Variants in ROBO1 observed in about 807,000 individuals in gnomAD.
ROBO1 encodes roundabout homolog 1.
ROBO1 carries 149 observed loss-of-function variants against 195.9 expected under a neutral mutation model. The observed-to-expected ratio is 0.76, with a 90% CI of 0.67 to 0.87. The LOEUF is 0.87. Ranked by LOEUF, ROBO1 falls within the 40% of genes least tolerant of loss-of-function variation. The pLI is 0.00. For synonymous variants in ROBO1, 816 were observed against 733.2 expected (o/e 1.11, Z -1.82); for missense variants, 1,933 against 2,068.3 (o/e 0.93, Z 1.27).
chr3:79,112,992 G>A (rs2108538286), intron 3 of ROBO1, among the ~76,000 whole-genome samples: 1 of 152,162 alleles, frequency 6.6e-6, no homozygotes, highest in East Asian at 1.9e-4. Context: ...AAATTGGAAA[G>A]TCATGTTTTA....
At chr3:79,323,131 G>T (rs1270325116) in intron 2 of ROBO1, among the ~76,000 whole-genome samples, 1 of 151,390 alleles carries the variant, frequency 6.6e-6, no homozygotes, top group Non-Finnish European at 1.5e-5. Context: ...ACCCAGGCTG[G>T]AGTGCAGTGG....
At chr3:79,104,549 C>T (rs2079740575) in intron 3 of ROBO1, among the ~76,000 whole-genome samples, 2 of 151,450 alleles carry the variant, frequency 1.3e-5, no homozygotes, top group South Asian at 2.1e-4. Flanking sequence ...ATTATTAGTT[C>T]TTATTGAGTT....
chr3:79,425,209 A>T (rs1197473345), intron 2 of ROBO1, among the ~76,000 whole-genome samples: 2 of 152,192 alleles, frequency 1.3e-5, no homozygotes, highest in Non-Finnish European at 2.9e-5. Flanking sequence ...GCACATTTAT[A>T]CAGAATTACA....
At chr3:78,624,414 C>T (rs565588881) in intron 26 of ROBO1, among the ~76,000 whole-genome samples, 4 of 152,156 alleles carry the variant, frequency 2.6e-5, no homozygotes, top group Admixed American at 2.0e-4. Flanking sequence ...CCAGCAATGA[C>T]CCTGGAAATA....
intron 1 of ROBO1, among the ~76,000 whole-genome samples, chr3:79,758,197 A>G (rs1176553745): frequency 2.0e-5 from 3 of 152,238 alleles, no homozygotes; most frequent in Non-Finnish European, 2.9e-5. Flanking sequence ...ACACTGTCCA[A>G]TAGAACTTTC....
intron 3 of ROBO1, among the ~76,000 whole-genome samples, chr3:78,968,420 CACATGGTGAAATTA>C (rs1256035902): frequency 6.6e-6 from 1 of 151,738 alleles, no homozygotes; most frequent in Non-Finnish European, 1.5e-5. Context: ...GTGCGCCACT[CACATGGTGAAATTA>C]GCAAGCCCAG....
At chr3:79,507,967 A>T (rs1940493787) in intron 2 of ROBO1, 1 of 153,416 alleles carries the variant, frequency 6.5e-6, no homozygotes, top group Non-Finnish European at 1.5e-5. Flanking sequence ...GGCTCACTCT[A>T]CTATTCTCAG....
intron 1 of ROBO1, among the ~76,000 whole-genome samples, chr3:79,691,772 T>C (rs1947305386): frequency 6.6e-6 from 1 of 151,944 alleles, no homozygotes; most frequent in African/African-American, 2.4e-5. Context: ...ATTCTTAACA[T>C]TGTCATTATT....
intron 3 of ROBO1, among the ~76,000 whole-genome samples, chr3:79,051,356 G>A (rs183998560): frequency 3.9e-5 from 6 of 152,240 alleles, no homozygotes; most frequent in Admixed American, 3.3e-4. Context: ...GAGTAAACCA[G>A]GAAGAAGTAG....
intron 4 of ROBO1, among the ~76,000 whole-genome samples, chr3:78,925,710 G>C (rs909364816): frequency 2.6e-5 from 4 of 152,128 alleles, no homozygotes; most frequent in African/African-American, 9.7e-5. Flanking sequence ...AAATACAGAA[G>C]AATGAAGATT....
chr3:78,945,548 A>G (rs937566428), intron 3 of ROBO1, among the ~76,000 whole-genome samples: 2 of 152,184 alleles, frequency 1.3e-5, no homozygotes. Flanking sequence ...CCAAAGGTAG[A>G]TAAAACCACA....
intron 1 of ROBO1, among the ~76,000 whole-genome samples, chr3:79,648,192 T>A (rs1034671882): frequency 1.3e-5 from 2 of 152,060 alleles, no homozygotes; most frequent in African/African-American, 4.8e-5. Flanking sequence ...ATGTCTGCTA[T>A]CTAAGCAAAA....
At chr3:79,529,775 T>C (rs1941575314) in intron 2 of ROBO1, among the ~76,000 whole-genome samples, 1 of 152,184 alleles carries the variant, frequency 6.6e-6, no homozygotes, top group Non-Finnish European at 1.5e-5. Context: ...GGGACTACTG[T>C]ATGGAACCAA....
intron 1 of ROBO1, among the ~76,000 whole-genome samples, chr3:79,666,050 T>A (rs9825870): frequency 0.62 from 94,433 of 151,766 alleles, 29,909 homozygotes; most frequent in African/African-American, 0.73. Context: ...CATTAAATTT[T>A]CAGTATATGA....
chr3:78,647,700 G>C (rs751633456), intron 19 of ROBO1, 45 bp from the exon 20 acceptor site: 2 of 1,507,902 alleles, frequency 1.3e-6, no homozygotes, highest in Non-Finnish European at 9.2e-7. Flanking sequence ...AAGCTGAAGA[G>C]AGAAAGGGAA....
At chr3:79,089,484 AAAC>A (rs1253974016) in intron 3 of ROBO1, among the ~76,000 whole-genome samples, 1 of 152,176 alleles carries the variant, frequency 6.6e-6, no homozygotes, top group Non-Finnish European at 1.5e-5. Flanking sequence ...TCACTATTAC[AAAC>A]AACGTTTTAA....
At chr3:79,296,073 C>T (rs1390134927) in intron 2 of ROBO1, among the ~76,000 whole-genome samples, 2 of 152,084 alleles carry the variant, frequency 1.3e-5, no homozygotes, top group Non-Finnish European at 2.9e-5. Context: ...TTGAAAGCTA[C>T]AACTAAACAT....
chr3:79,549,904 C>T (rs1280265825), intron 2 of ROBO1, among the ~76,000 whole-genome samples: 1 of 151,864 alleles, frequency 6.6e-6, no homozygotes. Flanking sequence ...ATGGCAAGAT[C>T]GCTTGAGGCC....
At chr3:78,693,948 T>C (rs1324533602) in intron 8 of ROBO1, among the ~76,000 whole-genome samples, 5 of 152,164 alleles carry the variant, frequency 3.3e-5, no homozygotes, top group African/African-American at 1.2e-4. Flanking sequence ...GATTTTGCAT[T>C]TTTAACAAGC....
Sources: allele counts gnomAD v4.1 joint callset (sites outside exome capture counted in the v4.1 genomes callset), GRCh38; gene constraint gnomAD v4.1.1; transcripts MANE v1.5; gene names NCBI Gene and HGNC (gene_info 2026-07-23, HGNC 2026-07-21).